The following DNHD1 variants were observed in gnomAD, a reference collection of about 807,000 sequenced individuals.
DNHD1 encodes dynein heavy chain domain-containing protein 1.
In DNHD1, 383 loss-of-function variants were observed where a neutral mutation model predicts 458.1. The ratio of observed to expected loss-of-function variants is 0.84; its 90% confidence interval spans 0.77 to 0.91. DNHD1 has a LOEUF of 0.91. DNHD1 is among the 40% of genes least tolerant of loss of function. The pLI, the probability that DNHD1 is intolerant of heterozygous loss-of-function variation, is 0.00. For synonymous variants in DNHD1, 2,203 were observed against 2,376.9 expected, an observed-to-expected ratio of 0.93 and a Z score of 2.13; for missense variants, 5,336 against 5,866.1, an observed-to-expected ratio of 0.91 and a Z score of 2.95.
Position 6,520,044 on chromosome 11 carries a change from A to C in DNHD1, c.1727A>C (p.Glu576Ala). ...CAACTGTCTCATGTGCCCTGTGTTG[A>C]AAATATGATCCAGACTCTAACTGGA... ...HGQLSHVPCV[E>A]NMIQTLTGGL... Residue 576 changes from glutamate to alanine, a missense_variant, in exon 9 of 43, where the codon GAA becomes GCA. By Grantham distance (107) the Glu-to-Ala change is moderately radical. This residue lies in a region of DNHD1 where 3,932 missense variants were observed against 4,365.6 expected (regional missense o/e 0.90). Transcript: ENST00000254579. 1 of 1,614,200 alleles carries C rather than the reference A, an allele frequency of 6.2e-7. No individual in the cohort carries two copies. The highest frequency in any genetic ancestry group is 8.5e-7 in the Non-Finnish European group (1 of 1,180,018).
Position 6,538,743 on chromosome 11 carries a change from C to A in DNHD1, c.3258C>A (p.Tyr1086Ter), listed in dbSNP as rs942394169. The part of the protein sequence containing the change: ...CMRILGEFRS[Y>*]LPLLTKLGSL... ...GCATCCTGGGGGAGTTTCGCAGCTA[C>A]CTGCCCCTGCTCACTAAGCTGGGCA... is the stretch of plus-strand genomic sequence containing the variant. Residue 1086 changes from tyrosine to a stop codon, truncating the protein, a stop_gained, in exon 16 of 43, where the codon TAC becomes TAA. Coordinates refer to ENST00000254579, the MANE Select transcript of DNHD1 (RefSeq NM_144666.3). LOFTEE classifies it high-confidence loss of function. 8 of 1,548,544 alleles carry A rather than the reference C, an allele frequency of 5.2e-6. No homozygotes were observed. Among genetic ancestry groups the A allele is most frequent in the Non-Finnish European group, 7.0e-6 (8 of 1,145,048 alleles).
chr11:6,534,259 C>T, intron 14 of DNHD1, 86 bp downstream of exon 14: 2 of 1,353,428 alleles, frequency 1.5e-6, no homozygotes, highest in Non-Finnish European at 2.0e-6. Context: ...GTTCTGTGTC[C>T]TGTATGACCC....
In DNHD1 at chr11:6,502,789, C is replaced by T; in HGVS notation, c.783C>T (p.Ala261=). The T allele has an allele frequency of 1.2e-6, 2 of 1,607,712 alleles. No homozygotes were observed. The highest frequency in any genetic ancestry group is 1.7e-6 in the Non-Finnish European group (2 of 1,177,502). ...QLDYEVPREK[A]FQKSSTGFSP... is the part of the protein sequence containing the mutation. ...ACTATGAAGTTCCCAGGGAAAAGGC[C>T]TTCCAAAAGAGCAGCACCGGCTTTT... The change falls in exon 4 of 43, where the codon GCC becomes GCT. Residue 261 remains alanine, a synonymous_variant. Coordinates refer to ENST00000254579, the MANE Select transcript of DNHD1 (RefSeq NM_144666.3).
Position 6,571,225 on chromosome 11 carries a change from C to T in DNHD1, c.13713C>T (p.Asp4571=), listed in dbSNP as rs745951616. The T allele has an allele frequency of 6.2e-7, 1 of 1,611,590 alleles. No homozygotes were observed. The highest frequency in any genetic ancestry group is 8.5e-7 in the Non-Finnish European group (1 of 1,179,208). The change falls in exon 42 of 43, where the codon GAC becomes GAT. Residue 4571 remains aspartate, a synonymous_variant. Coordinates refer to ENST00000254579, the MANE Select transcript of DNHD1 (RefSeq NM_144666.3). The surrounding 1 kb of genome is among the most constrained non-coding windows in gnomAD (Gnocchi z 5.0). ...LLVRYLGVGA[D]ASSDVPERVF... ...TTCGTTACTTGGGCGTGGGCGCGGA[C>T]GCGAGCAGTGATGTACCAGAGCGCG...
At position 6,567,823 on chromosome 11, in the gene DNHD1, T is replaced by A; in HGVS notation, c.12314T>A (p.Leu4105Gln). 1.2e-6 allele frequency: 2 copies of A among 1,613,134 alleles called. No individual in the cohort carries two copies. Among genetic ancestry groups the A allele is most frequent in the Non-Finnish European group, 1.7e-6 (2 of 1,179,860 alleles). The stretch of plus-strand genomic sequence containing the variant: ...CACCCCTCAGCCACTCTGCATCCTC[T>A]GACTGTCATCCAGAAACTGGCTGCC... Reference protein sequence around the residue: ...PGHPSATLHPLTVIQKLAAKY... With the variant: ...PGHPSATLHPQTVIQKLAAKY... Residue 4105 changes from leucine to glutamine, a missense_variant, in exon 36 of 43, where the codon CTG becomes CAG. Transcript: ENST00000254579.
intron 3 of DNHD1, among the ~76,000 whole-genome samples, 185 bp from the exon 4 acceptor site, chr11:6,502,568 C>T (rs192646695): frequency 2.6e-5 from 4 of 152,282 alleles, no homozygotes; most frequent in East Asian, 1.9e-4. Flanking sequence ...TTCTATGATA[C>T]GCTATATTTG....
At position 6,571,114 on chromosome 11, in the gene DNHD1, C is replaced by T; in HGVS notation, c.13602C>T (p.Pro4534=). ...ACGCTCTCTGGACTGGCCGCCTACC[C>T]TTGCCTTGGCGACCTCATGCGCCGG... is the stretch of plus-strand genomic sequence containing the variant. The part of the protein sequence containing the change: ...VAHALWTGRL[P]LPWRPHAPAG... The change falls in exon 42 of 43, where the codon CCC becomes CCT. Residue 4534 remains proline (P), a synonymous_variant. Coordinates refer to ENST00000254579, the MANE Select transcript of DNHD1 (RefSeq NM_144666.3). The surrounding 1 kb of genome is among the most constrained non-coding windows in gnomAD (Gnocchi z 5.0). 1 of 1,599,898 alleles carries T rather than the reference C, an allele frequency of 6.3e-7. No homozygotes were observed. Among genetic ancestry groups the T allele is most frequent in the Non-Finnish European group, 8.5e-7 (1 of 1,174,860 alleles).
At chr11:6,541,455 G>A (rs1853096851) in intron 18 of DNHD1, among the ~76,000 whole-genome samples, 1 of 152,138 alleles carries the variant, frequency 6.6e-6, no homozygotes, top group Non-Finnish European at 1.5e-5. Flanking sequence ...AAAATGTTTG[G>A]GTCTTGTAAA....
At position 6,567,667 on chromosome 11, in the gene DNHD1, C is replaced by A. The variant is rs1186447443; in HGVS notation, c.12158C>A (p.Ala4053Glu). 6.2e-7 allele frequency: 1 copy of A among 1,613,814 alleles called. No individual in the cohort carries two copies. Among genetic ancestry groups the A allele is most frequent in the African/African-American group, 1.3e-5 (1 of 74,946 alleles). Residue 4053 changes from alanine to glutamate, a missense_variant, in exon 36 of 43, where the codon GCA becomes GAA. Ala to Glu is a moderately radical substitution (Grantham distance 107). This residue lies in a region of DNHD1 where 695 missense variants were observed against 804.2 expected (regional missense o/e 0.86). Transcript: ENST00000254579. ...CGCGTTCTGCGACCTGAGTGCCTGG[C>A]AGGTGCCCTGGCAGACTTCACCACT... is the stretch of plus-strand genomic sequence containing the variant. ...LWRVLRPECL[A>E]GALADFTTSL...
At position 6,539,925 on chromosome 11, in the gene DNHD1, G is replaced by T. The variant is rs187615581; in HGVS notation, c.3470G>T (p.Arg1157Leu). The change falls in exon 18 of 43, where the codon CGG (arginine) becomes CTG (leucine). Residue 1157 changes from arginine to leucine, a missense_variant. This residue lies in a region of DNHD1 where 3,932 missense variants were observed against 4,365.6 expected (regional missense o/e 0.90). Transcript: ENST00000254579. ...ERIHAQETIR[R>L]LQRYWEARQL... ...ATTCATGCCCAAGAGACTATACGGC[G>T]GTTGCAGCGGTACTGGGAAGCGCGC... The T allele has an allele frequency of 1.3e-6, 2 of 1,551,728 alleles. No homozygotes were observed. Among genetic ancestry groups the T allele is most frequent in the South Asian group, 2.4e-5 (2 of 84,066 alleles).
At position 6,546,619 on chromosome 11, in the gene DNHD1, G is replaced by C. The variant is rs747780406; in HGVS notation, c.5680G>C (p.Glu1894Gln). ...ACGGACACTAAATGTGACCAAGGAG[G>C]AACCGAAGTGCCAGAAGCCTCGCAG... Reference protein sequence around the residue: ...TIRTLNVTKEEPKCQKPRSLA... With the variant: ...TIRTLNVTKEQPKCQKPRSLA... Residue 1894 changes from glutamate (E) to glutamine (Q), a missense_variant, in exon 21 of 43, where the codon GAA becomes CAA. Physicochemically the swap from Glu to Gln is conservative, Grantham distance 29. This residue lies in a region of DNHD1 where 3,932 missense variants were observed against 4,365.6 expected (regional missense o/e 0.90). Transcript: ENST00000254579. The C allele has an allele frequency of 9.0e-6, 14 of 1,551,464 alleles. No homozygotes were observed. Among genetic ancestry groups the C allele is most frequent in the Non-Finnish European group, 1.2e-5 (14 of 1,146,798 alleles).
chr11:6,519,575 G>A (rs754325927), intron 7 of DNHD1, 25 bp from the exon 8 acceptor site: 3 of 1,612,576 alleles, frequency 1.9e-6, no homozygotes, highest in Non-Finnish European at 2.5e-6. Context: ...CCCCTATCTG[G>A]TGAGTTTCCA....
rs200564737 is a variant in DNHD1 at position 6,570,083 on chromosome 11, C to T, written c.12938C>T (p.Ala4313Val). The change falls in exon 40 of 43, where the codon GCC becomes GTC. Residue 4313 changes from alanine (A) to valine (V), a missense_variant. Physicochemically the swap from Ala to Val is moderately conservative, Grantham distance 64. This residue lies in a region of DNHD1 where 698 missense variants were observed against 664.9 expected (regional missense o/e 1.05). Transcript: ENST00000254579. ...LWASLSNPRAAMQELAASVFY... is the reference protein window; with the variant it reads ...LWASLSNPRAVMQELAASVFY... Reference sequence around the variant, plus strand: ...GCAAGTCTTAGCAATCCCCGTGCTGCCATGCAAGAGCTGGCTGGTGAGACC... The same window carrying T: ...GCAAGTCTTAGCAATCCCCGTGCTGTCATGCAAGAGCTGGCTGGTGAGACC... 6.2e-7 allele frequency: 1 copy of T among 1,613,926 alleles called. No homozygotes were observed. The highest frequency in any genetic ancestry group is 1.7e-5 in the Admixed American group (1 of 60,022).
chr11:6,546,458 T>C lies in DNHD1; in HGVS notation c.5519T>C (p.Leu1840Pro), dbSNP rs967635524. Residue 1840 changes from leucine to proline, a missense_variant, in exon 21 of 43, where the codon CTG becomes CCG. This residue lies in a region of DNHD1 where 3,932 missense variants were observed against 4,365.6 expected (regional missense o/e 0.90). Transcript: ENST00000254579. ...CTGCGGCAAGTGGCAGAGCTGACTCTGCTGGGTGCAGGGATGAGGGATGCC... is the reference window on the plus strand; with the variant it reads ...CTGCGGCAAGTGGCAGAGCTGACTCCGCTGGGTGCAGGGATGAGGGATGCC... ...PDLRQVAELT[L>P]LGAGMRDAFQ... is the part of the protein sequence containing the mutation. 2.6e-6 allele frequency: 4 copies of C among 1,551,146 alleles called. No individual in the cohort carries two copies. The Admixed American group carries it at 7.8e-5, about 30-fold the overall frequency.
At chr11:6,538,935 C>T in intron 16 of DNHD1, 125 bp downstream of exon 16, 1 of 1,080,000 alleles carries the variant, frequency 9.3e-7, no homozygotes, top group Non-Finnish European at 1.3e-6. Context: ...CCCTACCTTT[C>T]CCACATATTT....
rs1165624314 is a variant in DNHD1, at chr11:6,548,021, G to T, written c.6886G>T (p.Gly2296Ter). ...TCTTTTTGCCTTGATCTGGGGCTTT[G>T]GAGCCCACCTTCCCTCCAGGTACCT... ...SFLFALIWGF[G>*]AHLPSRFWPI... The change falls in exon 22 of 43, where the codon GGA becomes TGA. Residue 2296 changes from glycine to a stop codon, truncating the protein, a stop_gained. Transcript: ENST00000254579. LOFTEE classifies it high-confidence loss of function. This position sits in a 1 kb window ranked among gnomAD's most constrained non-coding sequence, Gnocchi z 4.4. The T allele has an allele frequency of 1.3e-6, 2 of 1,551,718 alleles. No homozygotes were observed. The highest frequency in any genetic ancestry group is 3.9e-5 in the Admixed American group (2 of 51,010).
chr11:6,547,563 G>A lies in DNHD1; in HGVS notation c.6624G>A (p.Gln2208=), dbSNP rs181755942. 6.4e-4 allele frequency: 995 copies of A among 1,550,858 alleles called. 8 individuals carry two copies. In the African/African-American group the frequency reaches 0.011, roughly 17 times the overall value. The change falls in exon 21 of 43, where the codon CAG becomes CAA. Residue 2208 remains glutamine, a synonymous_variant. Coordinates refer to ENST00000254579, the MANE Select transcript of DNHD1 (RefSeq NM_144666.3). ...CTCTGCTGCAGGTACACGGGCAGCA[G>A]GCTGTTTGTGCAGGTGTGGCAGAAG... ...VSSLLQVHGQ[Q]AVCAGVAEVT...
chr11:6,498,243 T>G lies in DNHD1; in HGVS notation c.28T>G (p.Leu10Val). The G allele has an allele frequency of 6.2e-7, 1 of 1,613,746 alleles. No homozygotes were observed. The highest frequency in any genetic ancestry group is 8.5e-7 in the Non-Finnish European group (1 of 1,179,688). Residue 10 changes from leucine (L) to valine (V), a missense_variant, in exon 3 of 43, where the codon TTG becomes GTG. Physicochemically the swap from Leu to Val is conservative, Grantham distance 32. Around this residue, in one of 4 missense-constraint regions of DNHD1, gnomAD observed 3,932 missense variants for 4,365.6 expected, o/e 0.90. Coordinates refer to ENST00000254579, the MANE Select transcript of DNHD1 (RefSeq NM_144666.3). MVPEERRVGLSSDETSSDSL... is the reference protein window; with the variant it reads MVPEERRVGVSSDETSSDSL... Reference sequence around the variant, plus strand: ...GGTCCCGGAGGAGAGGAGGGTAGGTTTGTCTTCTGATGAGACATCATCTGA... The same window carrying G: ...GGTCCCGGAGGAGAGGAGGGTAGGTGTGTCTTCTGATGAGACATCATCTGA...
rs199873868 is a variant in DNHD1 at position 6,570,968 on chromosome 11, G to A, written c.13456G>A (p.Glu4486Lys). Residue 4486 changes from glutamate to lysine, a missense_variant, in exon 42 of 43, where the codon GAG becomes AAG. Glu to Lys is a moderately conservative substitution (Grantham distance 56). This residue lies in a region of DNHD1 where 698 missense variants were observed against 664.9 expected (regional missense o/e 1.05). Transcript: ENST00000254579. ...NARRPLEGVL[E>K]TEALELSQLV... ...ACGGCGGCCTCTGGAGGGCGTCTTA[G>A]AGACCGAGGCTCTAGAACTGAGCCA... The A allele has an allele frequency of 1.2e-4, 194 of 1,607,244 alleles. 1 individual carries two copies. In the African/African-American group the frequency reaches 2.2e-3, roughly 18 times the overall value.
Sources: gnomAD v4.1 joint callset for allele counts (sites outside exome capture counted in the v4.1 genomes callset) on GRCh38, gnomAD v4.1.1 for gene constraint, gnomAD v4.1.1 regional missense constraint, Gnocchi (gnomAD v3.1) non-coding constraint, MANE v1.5 for transcripts, NCBI Gene and HGNC (gene_info 2026-07-23, HGNC 2026-07-21) for gene names.